Variants in PUM1 observed in about 807,000 individuals in gnomAD.
PUM1 encodes pumilio RNA binding family member 1.
A neutral mutation model predicts 131.8 loss-of-function variants in PUM1; 13 were observed. The observed-to-expected ratio is 0.10, with a 90% confidence interval of 0.06 to 0.16. The LOEUF (loss-of-function observed/expected upper bound fraction) is 0.16, where lower values mean the gene tolerates loss of function less well. PUM1 is among the 10% of genes least tolerant of loss of function. PUM1 has a pLI of 1.00. For synonymous variants in PUM1, 509 were observed against 556.5 expected (o/e 0.91, Z 1.20); for missense variants, 961 against 1,512.4 (o/e 0.64, Z 6.05).
chr1:31,058,982 A>C (rs563343202), intron 2 of PUM1, among the ~76,000 whole-genome samples: 2 of 149,838 alleles, frequency 1.3e-5, no homozygotes, highest in Admixed American at 1.3e-4. Flanking sequence ...CTCTGTCTCA[A>C]ATGAATGAAT....
intron 2 of PUM1, among the ~76,000 whole-genome samples, chr1:31,054,192 T>A (rs936435231): frequency 1.3e-5 from 2 of 149,510 alleles, no homozygotes; most frequent in African/African-American, 5.0e-5. Flanking sequence ...CTAGGTGTTG[T>A]GACGTGTGCC....
At chr1:31,042,023 G>A (rs1482575517) in intron 2 of PUM1, among the ~76,000 whole-genome samples, 1 of 152,052 alleles carries the variant, frequency 6.6e-6, no homozygotes. Flanking sequence ...ATCATCTCTA[G>A]GCCAGGCCCA....
rs369244974 is a variant in PUM1 at position 30,958,541 on chromosome 1, A to G, written c.2324-4560T>C. Among the ~76,000 whole-genome samples, 40 of 152,330 alleles carry G rather than the reference A, an allele frequency of 2.6e-4. 2 individuals are homozygous for G. The South Asian group carries it at 3.1e-3, about 12-fold the overall frequency. ...GTGCAAAAAACTGTAAGCATGGAGAAGCATTCTAAGAAATGAGGGGTGAGA... is the reference window on the plus strand; with the variant it reads ...GTGCAAAAAACTGTAAGCATGGAGAGGCATTCTAAGAAATGAGGGGTGAGA... On this transcript the variant is annotated intron_variant, in intron 14 of 21. Transcript: ENST00000426105.
intron 5 of PUM1, among the ~76,000 whole-genome samples, chr1:30,996,857 C>T (rs185118742): frequency 1.7e-4 from 26 of 152,310 alleles, no homozygotes; most frequent in Non-Finnish European, 2.9e-4. Flanking sequence ...CTGACTAAAG[C>T]TGTGTACTCA....
chr1:30,933,331 G>A lies in PUM1; in HGVS notation c.3447C>T (p.His1149=). 1.2e-6 allele frequency: 2 copies of A among 1,613,872 alleles called. No individual in the cohort carries two copies. Among genetic ancestry groups the A allele is most frequent in the Non-Finnish European group, 1.7e-6 (2 of 1,179,854 alleles). ...AGGTGTACTTACGAAGAGTTGCGAT[G>A]TGGGGCCGGATCTGGGGAGGAAAGA... is the stretch of plus-strand genomic sequence containing the variant. ...RKIVMHKIRP[H]IATLRKYTYG... The change falls in exon 22 of 22, where the codon CAC becomes CAT. Residue 1149 remains histidine (H), a synonymous_variant. Transcript: ENST00000426105.
At chr1:31,056,688 A>G (rs748900979) in intron 2 of PUM1, among the ~76,000 whole-genome samples, 9 of 120,880 alleles carry the variant, frequency 7.4e-5, no homozygotes, top group Non-Finnish European at 1.3e-4. Flanking sequence ...GTGCAGTGGC[A>G]TGATCTCTGT....
intron 3 of PUM1, among the ~76,000 whole-genome samples, chr1:31,011,875 T>C (rs1004621541): frequency 3.3e-5 from 5 of 152,176 alleles, no homozygotes; most frequent in Admixed American, 2.0e-4. Context: ...GAGGATTAAA[T>C]GATGTGACAA....
chr1:30,963,232 G>A (rs540083548), intron 14 of PUM1, among the ~76,000 whole-genome samples: 2 of 152,194 alleles, frequency 1.3e-5, no homozygotes, highest in South Asian at 2.1e-4. Flanking sequence ...TTCTAGCCAC[G>A]TATCAAACTG....
At chr1:30,998,793 C>A (rs1642078586) in intron 5 of PUM1, among the ~76,000 whole-genome samples, 1 of 152,148 alleles carries the variant, frequency 6.6e-6, no homozygotes, top group Non-Finnish European at 1.5e-5. Flanking sequence ...GCAATGCACT[C>A]CAGTCTGGGG....
intron 5 of PUM1, among the ~76,000 whole-genome samples, chr1:31,000,222 T>C (rs1190062413): frequency 1.3e-5 from 2 of 152,198 alleles, no homozygotes; most frequent in Admixed American, 6.5e-5. Flanking sequence ...ATCAAGTACA[T>C]ACAGTACTGG....
intron 2 of PUM1, among the ~76,000 whole-genome samples, chr1:31,039,918 A>T (rs1382715288): frequency 2.0e-5 from 3 of 152,012 alleles, no homozygotes; most frequent in African/African-American, 4.8e-5. Context: ...CAAGAAATTT[A>T]AAAAAACTCA....
At chr1:30,935,704 A>T (rs1259896806) in intron 21 of PUM1, 2 of 437,712 alleles carry the variant, frequency 4.6e-6, no homozygotes, top group Non-Finnish European at 9.2e-6. Context: ...TCAGAACTTG[A>T]GTCCATTAAC....
At chr1:30,990,197 G>C (rs1380166111) in intron 7 of PUM1, among the ~76,000 whole-genome samples, 1 of 152,196 alleles carries the variant, frequency 6.6e-6, no homozygotes, top group Non-Finnish European at 1.5e-5. Context: ...ATAGGGATGG[G>C]GGAAAGTCCC....
chr1:31,018,302 T>C (rs913056427), intron 3 of PUM1, among the ~76,000 whole-genome samples: 16 of 151,314 alleles, frequency 1.1e-4, no homozygotes, highest in African/African-American at 3.2e-4. Flanking sequence ...TGAGCCGAGA[T>C]CTCGCCACTG....
intron 15 of PUM1, among the ~76,000 whole-genome samples, chr1:30,952,998 C>CAAAACAAA (rs1336504118): frequency 6.7e-6 from 1 of 150,124 alleles, no homozygotes; most frequent in African/African-American, 2.5e-5. Context: ...CAAAACAAAA[C>CAAAACAAA]AAAACAAAAA....
At chr1:31,060,271 GC>G (rs1353861891) in intron 1 of PUM1, among the ~76,000 whole-genome samples, 3 of 148,750 alleles carry the variant, frequency 2.0e-5, no homozygotes, top group Non-Finnish European at 4.5e-5. Flanking sequence ...GACCAGCCTG[GC>G]CAACATGGTG....
intron 18 of PUM1, among the ~76,000 whole-genome samples, chr1:30,942,583 C>T (rs1639501120): frequency 6.6e-6 from 1 of 151,990 alleles, no homozygotes; most frequent in Non-Finnish European, 1.5e-5. Context: ...TGTTTTTCAG[C>T]AATAAGAAAA....
rs750528298 is a variant in PUM1, at chr1:30,974,708, TGCAGCG to T, written c.1443_1448del (p.Ala483_Ala484del). On this transcript the variant is annotated inframe_deletion, in exon 10 of 22. Coordinates refer to ENST00000426105, the MANE Select transcript of PUM1 (RefSeq NM_001020658.2). ...TCTGTTGATTAGCTGAATTAGTTGC[TGCAGCG>T]GCAGCGGCAGCTTGCTGCTGGAAAA... is the stretch of plus-strand genomic sequence containing the variant. The T allele has an allele frequency of 8.7e-6, 14 of 1,611,646 alleles. No homozygotes were observed. Among genetic ancestry groups the T allele is most frequent in the Non-Finnish European group, 1.2e-5 (14 of 1,179,444 alleles).
chr1:31,044,233 C>T (rs573106021), intron 2 of PUM1, among the ~76,000 whole-genome samples: 5 of 151,914 alleles, frequency 3.3e-5, no homozygotes, highest in Non-Finnish European at 1.5e-5. Context: ...AACCCCGTCT[C>T]AACTAAAAAT....
Sources: allele counts gnomAD v4.1 joint callset (sites outside exome capture counted in the v4.1 genomes callset), GRCh38; gene constraint gnomAD v4.1.1; transcripts MANE v1.5; gene names NCBI Gene and HGNC (gene_info 2026-07-23, HGNC 2026-07-21).